The following JAKMIP3 variants were observed in gnomAD, a reference collection of about 807,000 sequenced individuals.
JAKMIP3 encodes Janus kinase and microtubule interacting protein 3, also known as janus kinase and microtubule-interacting protein 3.
JAKMIP3 carries 58 observed loss-of-function variants against 118.5 expected under a neutral mutation model. The observed-to-expected ratio is 0.49, with a 90% CI of 0.40 to 0.61. JAKMIP3 has a LOEUF of 0.61. JAKMIP3 is among the 20% of genes least tolerant of loss of function. The probability of loss-of-function intolerance (pLI) is 0.00; values close to 1 mark genes in which losing one functional copy is unlikely to be tolerated. For synonymous variants in JAKMIP3, 486 were observed against 451.2 expected (o/e 1.08, Z -0.98); for missense variants, 950 against 1,109.0 (o/e 0.86, Z 2.04).
Position 132,089,083 on chromosome 10 carries a change from C to G in JAKMIP3, c.-137-15589C>G, listed in dbSNP as rs1456905979. On this transcript the variant is annotated intron_variant, in intron 1 of 23. Transcript: ENST00000684848. ...TTGGTCTATATCTCTGTTTTGGTACCAGTACCATGCTGTTTTGGTTACTCT... is the reference window on the plus strand; with the variant it reads ...TTGGTCTATATCTCTGTTTTGGTACGAGTACCATGCTGTTTTGGTTACTCT... Among the ~76,000 whole-genome samples, 5 of 152,086 alleles carry G rather than the reference C, an allele frequency of 3.3e-5. No homozygotes were observed. The South Asian group carries it at 6.2e-4, about 19-fold the overall frequency.
intron 21 of JAKMIP3, among the ~76,000 whole-genome samples, chr10:132,165,343 C>T (rs776698809): frequency 4.6e-5 from 7 of 152,196 alleles, no homozygotes; most frequent in African/African-American, 1.7e-4. Context: ...GGGTTGCCTG[C>T]AGGCGTTCAG....
Position 132,117,024 on chromosome 10 carries a change from G to A in JAKMIP3, c.136-53G>A, listed in dbSNP as rs2062309747. The A allele has an allele frequency of 1.9e-6, 3 of 1,557,034 alleles. No individual in the cohort carries two copies. Among genetic ancestry groups the A allele is most frequent in the African/African-American group, 1.4e-5 (1 of 73,834 alleles). ...CCCCCAAATGCACATTCAGGTGTGAGTGTGTGCATGGCTGGAGCTCCTGCC... is the reference window on the plus strand; with the variant it reads ...CCCCCAAATGCACATTCAGGTGTGAATGTGTGCATGGCTGGAGCTCCTGCC... On this transcript the variant is annotated intron_variant, in intron 2 of 23. Transcript: ENST00000684848. The surrounding 1 kb of genome is among the most constrained non-coding windows in gnomAD (Gnocchi z 8.6).
intron 1 of JAKMIP3, among the ~76,000 whole-genome samples, chr10:132,069,483 C>T (rs945605226): frequency 6.6e-6 from 1 of 152,130 alleles, no homozygotes; most frequent in Non-Finnish European, 1.5e-5. Context: ...TCAGGGGGCT[C>T]CTGGGTGTTT....
At chr10:132,082,714 G>A (rs574808502) in intron 1 of JAKMIP3, among the ~76,000 whole-genome samples, 15 of 151,982 alleles carry the variant, frequency 9.9e-5, no homozygotes, top group African/African-American at 2.2e-4. Context: ...AGGTTCAAGC[G>A]ATTCTCCTGC....
intron 23 of JAKMIP3, among the ~76,000 whole-genome samples, chr10:132,170,491 G>T (rs552094793): frequency 6.6e-6 from 1 of 152,310 alleles, no homozygotes; most frequent in African/African-American, 2.4e-5. Context: ...TCACAGAGGG[G>T]ACGCCGGGTC....
upstream of JAKMIP3, among the ~76,000 whole-genome samples, chr10:132,062,110 A>C (rs541349275): frequency 6.6e-6 from 1 of 152,250 alleles, no homozygotes; most frequent in East Asian, 1.9e-4. Context: ...ACAGAGACAC[A>C]GGGGAAGAGG....
At position 132,167,432 on chromosome 10, in the gene JAKMIP3, C is replaced by T. The variant is rs1011439019; in HGVS notation, c.*22+377C>T. On this transcript the variant is annotated intron_variant, in intron 22 of 23. Transcript: ENST00000684848. ...CAGACACGGTGGTTCTGTGATTCGT[C>T]CTTGTTCTTTTCTGGGTGGTGCTGA... Among the ~76,000 whole-genome samples, 8 of 152,132 alleles carry T rather than the reference C, an allele frequency of 5.3e-5. No individual in the cohort carries two copies. In the East Asian group the frequency reaches 1.3e-3, roughly 26 times the overall value.
intron 1 of JAKMIP3, among the ~76,000 whole-genome samples, chr10:132,042,788 G>T (rs1255185996): frequency 2.6e-5 from 4 of 152,200 alleles, no homozygotes; most frequent in Non-Finnish European, 1.5e-5. Flanking sequence ...AAAACCAGGT[G>T]CTTGAAGAGC....
At chr10:132,038,330 G>A (rs1002775903) in intron 1 of JAKMIP3, among the ~76,000 whole-genome samples, 6 of 152,116 alleles carry the variant, frequency 3.9e-5, no homozygotes, top group African/African-American at 1.4e-4. Flanking sequence ...CCACGCACAG[G>A]GCACAACCCC....
chr10:132,098,083 G>C (rs1196042702), intron 1 of JAKMIP3, among the ~76,000 whole-genome samples: 1 of 149,472 alleles, frequency 6.7e-6, no homozygotes, highest in East Asian at 2.0e-4. Flanking sequence ...TTGTCCAGGT[G>C]GGAGTGCAGT....
At chr10:132,097,825 T>C (rs1007092021) in intron 1 of JAKMIP3, among the ~76,000 whole-genome samples, 4 of 150,852 alleles carry the variant, frequency 2.7e-5, no homozygotes, top group African/African-American at 4.9e-5. Flanking sequence ...TTGCAGGTGA[T>C]TCAGAACCTA....
intron 1 of JAKMIP3, among the ~76,000 whole-genome samples, chr10:132,054,398 A>G (rs2038181350): frequency 6.6e-6 from 1 of 152,026 alleles, no homozygotes; most frequent in African/African-American, 2.4e-5. Flanking sequence ...AGAAGCTCAG[A>G]GAAAAACTTC....
At chr10:132,055,342 T>C (rs2038209786) in intron 1 of JAKMIP3, among the ~76,000 whole-genome samples, 1 of 152,218 alleles carries the variant, frequency 6.6e-6, no homozygotes, top group African/African-American at 2.4e-5. Flanking sequence ...TACGATGACA[T>C]GCAGAGTTCA....
chr10:132,115,608 C>T lies in JAKMIP3; in HGVS notation c.136-1469C>T, dbSNP rs377632630. 9.1e-4 allele frequency among the ~76,000 whole-genome samples: 139 copies of T among 152,306 alleles called. 1 individual carries two copies. Among genetic ancestry groups the T allele is most frequent in the East Asian group, 1.5e-3 (8 of 5,174 alleles). On this transcript the variant is annotated intron_variant, in intron 2 of 23. Coordinates refer to ENST00000684848, the MANE Select transcript of JAKMIP3 (RefSeq NM_001323087.2). Reference sequence around the variant, plus strand: ...AGGAGGTTGGTGTGTTCCTCTTCAGCGTGTCATTCACGTAAAGGAAATAGT... The same window carrying T: ...AGGAGGTTGGTGTGTTCCTCTTCAGTGTGTCATTCACGTAAAGGAAATAGT...
chr10:132,093,646 C>T (rs1355828074), intron 1 of JAKMIP3, among the ~76,000 whole-genome samples: 1 of 152,202 alleles, frequency 6.6e-6, no homozygotes, highest in Non-Finnish European at 1.5e-5. Flanking sequence ...CACCGCTTCC[C>T]TTGGCTAGGA....
intron 3 of JAKMIP3, among the ~76,000 whole-genome samples, chr10:132,128,296 C>T (rs1039307717): frequency 1.3e-5 from 2 of 152,234 alleles, no homozygotes; most frequent in Non-Finnish European, 2.9e-5. Flanking sequence ...ATTGTTCCTT[C>T]AGGCAATGTG....
intron 19 of JAKMIP3, among the ~76,000 whole-genome samples, chr10:132,159,344 GAGGGGGCCTCTCCCT>G (rs2057558986): frequency 8.3e-6 from 1 of 120,164 alleles, no homozygotes; most frequent in Non-Finnish European, 1.7e-5. Flanking sequence ...GTGTGATGCT[GAGGGGGCCTCTCCCT>G]GTGTGATGCT....
chr10:132,073,394 C>G (rs1354775281), intron 1 of JAKMIP3, among the ~76,000 whole-genome samples: 1 of 152,140 alleles, frequency 6.6e-6, no homozygotes, highest in Non-Finnish European at 1.5e-5. Context: ...ACCATGTTAG[C>G]CAGGATGGTC....
At position 132,135,115 on chromosome 10, in the gene JAKMIP3, A is replaced by G. The variant is rs1353500952; in HGVS notation, c.924A>G (p.Lys308=). The change falls in exon 5 of 24, where the codon AAA becomes AAG. Residue 308 remains lysine, a synonymous_variant. Coordinates refer to ENST00000684848, the MANE Select transcript of JAKMIP3 (RefSeq NM_001323087.2). ...KIAELSAIIR[K]LEDRNALLSE... is the part of the protein sequence containing the mutation. The stretch of plus-strand genomic sequence containing the variant: ...CGGAGTTAAGTGCGATTATCCGCAA[A>G]CTGGAGGACCGCAATGCATTGCTGT... The G allele has an allele frequency of 6.2e-7, 1 of 1,613,198 alleles. No homozygotes were observed. The highest frequency in any genetic ancestry group is 2.2e-5 in the East Asian group (1 of 44,888).
Sources: gnomAD v4.1 joint callset for allele counts (sites outside exome capture counted in the v4.1 genomes callset) on GRCh38, gnomAD v4.1.1 for gene constraint, Gnocchi (gnomAD v3.1) non-coding constraint, MANE v1.5 for transcripts, NCBI Gene and HGNC (gene_info 2026-07-23, HGNC 2026-07-21) for gene names.